ACKR2: variants seen among roughly 807,000 people sequenced by gnomAD.
ACKR2 encodes the protein C-C chemokine receptor D6.
For synonymous variants in ACKR2, 207 were observed against 192.2 expected, an observed-to-expected ratio of 1.08 and a Z score of -0.64; for missense variants, 457 against 477.3, an observed-to-expected ratio of 0.96 and a Z score of 0.40.
At chr3:42,825,592 T>TGTGTGTGTGTGC (rs941626037) in intron 2 of ACKR2, among the ~76,000 whole-genome samples, 1 of 151,288 alleles carries the variant, frequency 6.6e-6, no homozygotes, top group African/African-American at 2.4e-5. Context: ...TGTGTGTGTG[T>TGTGTGTGTGTGC]GTGTGTGTGC....
chr3:42,827,663 A>C (rs984076282), intron 2 of ACKR2, among the ~76,000 whole-genome samples: 14 of 152,128 alleles, frequency 9.2e-5, no homozygotes, highest in African/African-American at 3.4e-4. Context: ...ACGAGATACC[A>C]ATGTAGGAAA....
In ACKR2 at chr3:42,864,541, G is replaced by T; in HGVS notation, c.39G>T (p.Glu13Asp). 1 of 1,612,136 alleles carries T rather than the reference G, an allele frequency of 6.2e-7. No individual in the cohort carries two copies. Among genetic ancestry groups the T allele is most frequent in the South Asian group, 1.1e-5 (1 of 90,854 alleles). Residue 13 changes from glutamate to aspartate, a missense_variant, in exon 3 of 3, where the codon GAG becomes GAT. Transcript: ENST00000422265. Reference protein sequence around the residue: ...ATASPQPLATEDADSENSSFY... With the variant: ...ATASPQPLATDDADSENSSFY... ...CCTCTCCGCAGCCACTCGCCACTGA[G>T]GATGCCGATTCTGAGAATAGCAGCT...
intron 1 of ACKR2, among the ~76,000 whole-genome samples, chr3:42,812,336 TGC>T: frequency 1.3e-5 from 2 of 152,346 alleles, no homozygotes; most frequent in African/African-American, 4.8e-5. Context: ...TTTCTAATAT[TGC>T]TTTATGAGAG....
intron 2 of ACKR2, chr3:42,856,092 C>T (rs1233989351): frequency 2.5e-6 from 1 of 406,828 alleles, no homozygotes; most frequent in Non-Finnish European, 4.4e-6. Flanking sequence ...AGTGTCCTTA[C>T]TGCTGCCCAG....
At chr3:42,815,168 TTTGAGGTTA>T (rs1700737003) in intron 1 of ACKR2, among the ~76,000 whole-genome samples, 1 of 152,156 alleles carries the variant, frequency 6.6e-6, no homozygotes, top group Non-Finnish European at 1.5e-5. Context: ...GCAGAGGGCA[TTTGAGGTTA>T]TTGGAAGTGA....
Position 42,865,676 on chromosome 3 carries a change from G to C in ACKR2, c.*19G>C, listed in dbSNP as rs2088429686. 1 of 1,582,916 alleles carries C rather than the reference G, an allele frequency of 6.3e-7. No individual in the cohort carries two copies. The highest frequency in any genetic ancestry group is 1.2e-5 in the South Asian group (1 of 84,834). ...AGCCTGAGTGACCAAATTTTGGTCT[G>C]GTGGGAACAGATGGGAACCAGCTCA... On this transcript the variant is annotated 3_prime_UTR_variant, in exon 3 of 3. Transcript: ENST00000422265.
chr3:42,865,181 A>G lies in ACKR2; in HGVS notation c.679A>G (p.Ile227Val). Residue 227 changes from isoleucine to valine, a missense_variant, in exon 3 of 3, where the codon ATC (isoleucine) becomes GTC (valine). By Grantham distance (29) the Ile-to-Val change is conservative. Coordinates refer to ENST00000422265, the MANE Select transcript of ACKR2 (RefSeq NM_001296.5). ...LGFLLPLLAM[I>V]FFYSRIGCVL... ...GTTTCTCCTTCCACTCCTTGCCATGATCTTCTTCTACTCCCGTATTGGTTG... is the reference window on the plus strand; with the variant it reads ...GTTTCTCCTTCCACTCCTTGCCATGGTCTTCTTCTACTCCCGTATTGGTTG... The G allele has an allele frequency of 6.2e-7, 1 of 1,613,840 alleles. No individual in the cohort carries two copies. The highest frequency in any genetic ancestry group is 8.5e-7 in the Non-Finnish European group (1 of 1,179,958).
chr3:42,831,553 C>T (rs1700932664), intron 2 of ACKR2, among the ~76,000 whole-genome samples: 1 of 152,150 alleles, frequency 6.6e-6, no homozygotes, highest in African/African-American at 2.4e-5. Context: ...GCCTGCTAGC[C>T]CCAGCTGCTG....
Position 42,822,664 on chromosome 3 carries a change from C to G in ACKR2, c.-38+2953C>G, listed in dbSNP as rs143250108. Among the ~76,000 whole-genome samples, 887 of 152,074 alleles carry G rather than the reference C, an allele frequency of 5.8e-3. 7 individuals are homozygous for G. Among genetic ancestry groups the G allele is most frequent in the South Asian group, 0.011 (54 of 4,818 alleles). Reference sequence around the variant, plus strand: ...GGTCAGGAGTTCGAGACCAGCCTTGCCAACATGGTGAAACCCTGTCTCTAC... The same window carrying G: ...GGTCAGGAGTTCGAGACCAGCCTTGGCAACATGGTGAAACCCTGTCTCTAC... On this transcript the variant is annotated intron_variant, in intron 2 of 2. Coordinates refer to ENST00000422265, the MANE Select transcript of ACKR2 (RefSeq NM_001296.5).
chr3:42,849,705 T>C (rs1283565492), intron 2 of ACKR2, among the ~76,000 whole-genome samples: 1 of 152,208 alleles, frequency 6.6e-6, no homozygotes, highest in Non-Finnish European at 1.5e-5. Context: ...GCGTTTGCCT[T>C]ATTTGAACAC....
intron 1 of ACKR2, among the ~76,000 whole-genome samples, chr3:42,818,712 C>T (rs1276308512): frequency 6.6e-6 from 1 of 152,112 alleles, no homozygotes; most frequent in African/African-American, 2.4e-5. Flanking sequence ...CAGGCAAGTG[C>T]CACCACACCC....
intron 2 of ACKR2, among the ~76,000 whole-genome samples, chr3:42,861,195 C>A (rs761649835): frequency 3.9e-5 from 6 of 152,236 alleles, no homozygotes; most frequent in Middle Eastern, 3.4e-3. Context: ...CCATTGATCC[C>A]ACAGAAATAC....
chr3:42,812,074 C>G (rs368205372), intron 1 of ACKR2, among the ~76,000 whole-genome samples: 3 of 152,168 alleles, frequency 2.0e-5, no homozygotes, highest in East Asian at 1.9e-4. Context: ...GCGCCGGTCC[C>G]CTGGGACCAC....
In ACKR2 at chr3:42,811,213, C is replaced by T. The variant is rs532355648; in HGVS notation, c.-119+1681C>T. Among the ~76,000 whole-genome samples the T allele has an allele frequency of 5.3e-5, 8 of 152,302 alleles. No homozygotes were observed. The South Asian group carries it at 1.7e-3, about 32-fold the overall frequency. On this transcript the variant is annotated intron_variant, in intron 1 of 2. Coordinates refer to ENST00000422265, the MANE Select transcript of ACKR2 (RefSeq NM_001296.5). ...TTCTGTAGGGAAAAGAAAGATCAGA[C>T]TGTTACTGTGTCTATGTAGAAAAGG... is the stretch of plus-strand genomic sequence containing the variant.
intron 2 of ACKR2, among the ~76,000 whole-genome samples, chr3:42,833,509 G>T (rs1161880653): frequency 1.3e-5 from 2 of 152,040 alleles, no homozygotes; most frequent in Non-Finnish European, 1.5e-5. Context: ...AATTATTAAT[G>T]AGATATTTTA....
At position 42,851,371 on chromosome 3, in the gene ACKR2, C is replaced by T. The variant is rs923530389; in HGVS notation, c.-37-13095C>T. 11 of 985,358 alleles carry T rather than the reference C, an allele frequency of 1.1e-5. No individual in the cohort carries two copies. The Admixed American group carries it at 2.5e-4, about 22-fold the overall frequency. The allele number at this position is 985,358 out of a possible 1,614,324, so 61.0% of individuals were successfully genotyped here. A position where few individuals can be genotyped will look rare whatever the true frequency, so the allele number is the denominator to read the frequency against. ...GGAAAGGAATTACACTCTGTCTGCA[C>T]TTCCCTGAGGAAGAGGCACCTGGCG... On this transcript the variant is annotated intron_variant, in intron 2 of 2. Transcript: ENST00000422265.
At chr3:42,826,281 G>C (rs1453741555) in intron 2 of ACKR2, among the ~76,000 whole-genome samples, 1 of 152,012 alleles carries the variant, frequency 6.6e-6, no homozygotes, top group Non-Finnish European at 1.5e-5. Flanking sequence ...AGAATGAGTT[G>C]GGAAATGTTT....
chr3:42,832,507 TAAAAAAAAAAGAAAG>T (rs754042685), intron 2 of ACKR2, among the ~76,000 whole-genome samples: 7 of 138,576 alleles, frequency 5.1e-5, no homozygotes, highest in Non-Finnish European at 9.5e-5. Context: ...AAAAAAAGAA[TAAAAAAAAAAGAAAG>T]AAAAAGAAAA....
chr3:42,860,861 C>T (rs1293284399), intron 2 of ACKR2, among the ~76,000 whole-genome samples: 1 of 152,144 alleles, frequency 6.6e-6, no homozygotes, highest in Non-Finnish European at 1.5e-5. Context: ...ACAGCTAAAG[C>T]AGTGTTTACA....
Sources: gnomAD v4.1 joint callset for allele counts (sites outside exome capture counted in the v4.1 genomes callset) on GRCh38, gnomAD v4.1.1 for gene constraint, MANE v1.5 for transcripts, NCBI Gene and HGNC (gene_info 2026-07-23, HGNC 2026-07-21) for gene names.